Variants in PCNT observed in about 807,000 individuals in gnomAD.
PCNT encodes the protein pericentrin.
In PCNT, 319 loss-of-function variants were observed where a neutral mutation model predicts 380.4. The ratio of observed to expected loss-of-function variants is 0.84; its 90% CI spans 0.77 to 0.92. The LOEUF (loss-of-function observed/expected upper bound fraction) is 0.92. Among genes scored for constraint, PCNT ranks in the 40% least tolerant of loss-of-function variants. PCNT has a pLI of 0.00. For missense variants in PCNT, 4,400 were observed against 4,255.3 expected, an observed-to-expected ratio of 1.03 and a Z score of -0.95; for synonymous variants, 1,845 against 1,735.2, an observed-to-expected ratio of 1.06 and a Z score of -1.57.
At chr21:46,326,280 C>T in intron 1 of PCNT, 97 bp from the exon 2 acceptor site, 5 of 1,140,702 alleles carry the variant, frequency 4.4e-6, no homozygotes, top group Non-Finnish European at 3.9e-6. Flanking sequence ...GGTCAGCCCT[C>T]GGGCCTCATG....
Position 46,422,140 on chromosome 21 carries a change from G to A in PCNT, c.7179+16G>A, listed in dbSNP as rs201324209. ...GCACGTGAAGGTATGGCTGGCAGGGGCGGCCCTCACAGCTTCACATGTGCA... is the reference window on the plus strand; with the variant it reads ...GCACGTGAAGGTATGGCTGGCAGGGACGGCCCTCACAGCTTCACATGTGCA... On this transcript the variant is annotated intron_variant, in intron 32 of 46. Transcript: ENST00000359568. 9.1e-5 allele frequency: 147 copies of A among 1,612,854 alleles called. 1 individual carries two copies. In the South Asian group the frequency reaches 1.5e-3, roughly 17 times the overall value.
At chr21:46,437,287 T>TAC (rs368811565) in intron 40 of PCNT, among the ~76,000 whole-genome samples, 35 of 123,608 alleles carry the variant, frequency 2.8e-4, no homozygotes, top group African/African-American at 1.9e-3. Flanking sequence ...CTGGGGCACT[T>TAC]GTGTGGTCTT....
intron 3 of PCNT, among the ~76,000 whole-genome samples, chr21:46,345,380 G>A (rs1444046050): frequency 2.0e-5 from 3 of 151,968 alleles, no homozygotes; most frequent in Non-Finnish European, 4.4e-5. Context: ...ACCACGCCTG[G>A]CTAATTTTTG....
At chr21:46,353,735 TGTGTGTGTGTGTGTGTGA>T (rs1381388119) in intron 10 of PCNT, among the ~76,000 whole-genome samples, 1 of 136,518 alleles carries the variant, frequency 7.3e-6, no homozygotes, top group Non-Finnish European at 1.6e-5. Context: ...TGTGTGTGTG[TGTGTGTGTGTGTGTGTGA>T]GAGAGACAGA....
intron 15 of PCNT, among the ~76,000 whole-genome samples, chr21:46,367,929 T>G (rs995187265): frequency 6.6e-6 from 1 of 152,194 alleles, no homozygotes; most frequent in Non-Finnish European, 1.5e-5. Flanking sequence ...TCACAGCAGT[T>G]TAGGAGGCTG....
intron 3 of PCNT, among the ~76,000 whole-genome samples, chr21:46,341,628 A>G (rs1334058875): frequency 6.6e-6 from 1 of 151,910 alleles, no homozygotes; most frequent in Non-Finnish European, 1.5e-5. Flanking sequence ...CGGCCTCCCA[A>G]AGTGCTGGGA....
chr21:46,353,715 G>GGTTGT (rs1555954531), intron 10 of PCNT, among the ~76,000 whole-genome samples: 17 of 129,048 alleles, frequency 1.3e-4, no homozygotes, highest in African/African-American at 4.6e-4. Context: ...CTCTCCTCCA[G>GGTTGT]GTGTGTGTGT....
Position 46,412,080 on chromosome 21 carries a change from C to T in PCNT, c.5994+13C>T, listed in dbSNP as rs536950660. On this transcript the variant is annotated intron_variant, in intron 28 of 46. Transcript: ENST00000359568. ...CCCTGACCCACAGGTGGGCTCCCCC[C>T]GCGGGCCATGGCAGGGTATTTTTTT... The T allele has an allele frequency of 2.4e-5, 38 of 1,604,076 alleles. No homozygotes were observed. Among genetic ancestry groups the T allele is most frequent in the East Asian group, 8.9e-5 (4 of 44,818 alleles).
chr21:46,338,504 A>G (rs117518814), intron 3 of PCNT, among the ~76,000 whole-genome samples: 5,034 of 152,240 alleles, frequency 0.033, 130 homozygotes, highest in Middle Eastern at 0.085. Context: ...GATGCTGGTT[A>G]GTACTTCATT....
chr21:46,442,049 G>A (rs2053619729), intron 43 of PCNT, among the ~76,000 whole-genome samples: 1 of 152,178 alleles, frequency 6.6e-6, no homozygotes, highest in South Asian at 2.1e-4. Context: ...CCATCTGACG[G>A]ACTCCTGCGA....
At chr21:46,393,684 G>T (rs1026038227) in intron 21 of PCNT, among the ~76,000 whole-genome samples, 82 of 152,218 alleles carry the variant, frequency 5.4e-4, no homozygotes, top group African/African-American at 2.0e-3. Context: ...GGGCCCTGTG[G>T]CTAGCGCCCC....
intron 29 of PCNT, among the ~76,000 whole-genome samples, chr21:46,415,038 A>G (rs2086968174): frequency 6.6e-6 from 1 of 152,232 alleles, no homozygotes; most frequent in Non-Finnish European, 1.5e-5. Flanking sequence ...CTTGGTGCTG[A>G]AGCCTGCTGA....
chr21:46,342,762 C>G (rs558326996), intron 3 of PCNT, among the ~76,000 whole-genome samples: 54 of 152,132 alleles, frequency 3.5e-4, no homozygotes, highest in African/African-American at 1.3e-3. Context: ...ATCTCTTGAC[C>G]TCGTGATCCG....
In PCNT at chr21:46,443,876, C is replaced by T. The variant is rs775155965; in HGVS notation, c.9767C>T (p.Pro3256Leu). Residue 3256 changes from proline (P) to leucine (L), a missense_variant, in exon 45 of 47, where the codon CCC becomes CTC. Pro to Leu is a moderately conservative substitution (Grantham distance 98, BLOSUM62 -3). Transcript: ENST00000359568. ...TRESPPTRDV[P>L]SGHTRDPARG... ...GAGTCCCCCCCAACCCGGGATGTAC[C>T]CTCTGGCCACACCAGGGACCCTGCC... The T allele has an allele frequency of 4.3e-6, 7 of 1,613,204 alleles. No individual in the cohort carries two copies. The highest frequency in any genetic ancestry group is 2.2e-5 in the East Asian group (1 of 44,886).
chr21:46,437,138 T>C lies in PCNT; in HGVS notation c.9099+57T>C, dbSNP rs573768259. ...TGGCTCCTCCCCCAGAGGGGCCCTC[T>C]CGGCAGCTTTGTGGTTCTTTTTCAC... On this transcript the variant is annotated intron_variant, in intron 40 of 46. Transcript: ENST00000359568. 6.2e-5 allele frequency: 71 copies of C among 1,146,362 alleles called. 3 individuals carry two copies. The South Asian group carries it at 7.7e-4, about 12-fold the overall frequency. The allele number at this position is 1,146,362 out of a possible 1,614,324, so 71.0% of individuals were successfully genotyped here.
rs1043613386 is a variant in PCNT, at chr21:46,436,959, G to A, written c.8997-20G>A. The stretch of plus-strand genomic sequence containing the variant: ...ACTTGGGGCGCGTATGCAACTTTGA[G>A]TGCCCATTTATTTTTACAGGACAGT... On this transcript the variant is annotated intron_variant, in intron 39 of 46. Coordinates refer to ENST00000359568, the MANE Select transcript of PCNT (RefSeq NM_006031.6). 1.9e-5 allele frequency: 30 copies of A among 1,573,282 alleles called. 1 individual carries two copies. The East Asian group carries it at 4.0e-4, about 21-fold the overall frequency.
intron 2 of PCNT, among the ~76,000 whole-genome samples, chr21:46,331,040 G>A (rs562134649): frequency 5.7e-5 from 8 of 139,840 alleles, no homozygotes; most frequent in African/African-American, 1.5e-4. Context: ...GTGTGTGTGT[G>A]AGAGTGTGTG....
At position 46,413,300 on chromosome 21, in the gene PCNT, A is replaced by AGGGGG. The variant is rs2086870782; in HGVS notation, c.6150+308_6150+309insGGGGG. Reference sequence around the variant, plus strand: ...GGACACGCGGCAGCAAGGTGTGGGGAACGGGGAAGGCACGAGGCCCACCCG... The same window carrying AGGGGG: ...GGACACGCGGCAGCAAGGTGTGGGGAGGGGGACGGGGAAGGCACGAGGCCCACCCG... On this transcript the variant is annotated intron_variant, in intron 29 of 46. Coordinates refer to ENST00000359568, the MANE Select transcript of PCNT (RefSeq NM_006031.6). Among the ~76,000 whole-genome samples the AGGGGG allele has an allele frequency of 2.4e-4, 23 of 95,814 alleles. 8 individuals carry two copies. The highest frequency in any genetic ancestry group is 7.7e-4 in the South Asian group (2 of 2,604). The allele number at this position is 95,814 out of a possible 152,430, so 62.9% of individuals were successfully genotyped here. A position where few individuals can be genotyped will look rare whatever the true frequency, so the allele number is the denominator to read the frequency against.
At chr21:46,423,503 C>T (rs1484837211) in intron 32 of PCNT, among the ~76,000 whole-genome samples, 2 of 151,536 alleles carry the variant, frequency 1.3e-5, no homozygotes, top group South Asian at 2.1e-4. Context: ...AATTTTTATA[C>T]AATATAAAAC....
Sources: allele counts gnomAD v4.1 joint callset (sites outside exome capture counted in the v4.1 genomes callset), GRCh38; gene constraint gnomAD v4.1.1; transcripts MANE v1.5; gene names NCBI Gene and HGNC (gene_info 2026-07-23, HGNC 2026-07-21).